CEP170: variants seen among roughly 807,000 people sequenced by gnomAD.
CEP170 encodes centrosomal protein 170, also known as centrosomal protein of 170 kDa.
In CEP170, 21 loss-of-function variants were observed where a neutral mutation model predicts 151.9. The observed-to-expected ratio is 0.14, with a 90% CI of 0.10 to 0.20. The LOEUF (loss-of-function observed/expected upper bound fraction) is 0.20. Ranked by LOEUF, CEP170 falls within the 10% of genes least tolerant of loss-of-function variation. CEP170 has a pLI of 1.00. For missense variants in CEP170, 964 were observed against 1,892.9 expected (o/e 0.51, Z 9.11); for synonymous variants, 356 against 648.8 (o/e 0.55, Z 6.86).
At chr1:243,203,039 T>G (rs1262817211) in intron 4 of CEP170, among the ~76,000 whole-genome samples, 1 of 152,036 alleles carries the variant, frequency 6.6e-6, no homozygotes, top group African/African-American at 2.4e-5. Context: ...CCAAAAATGT[T>G]TGTGTGTGTG....
In CEP170 at chr1:243,225,307, C is replaced by G. The variant is rs780884872; in HGVS notation, c.-27G>C. On this transcript the variant is annotated 5_prime_UTR_variant, in exon 2 of 20. Coordinates refer to ENST00000366542, the MANE Select transcript of CEP170 (RefSeq NM_014812.3). The stretch of plus-strand genomic sequence containing the variant: ...TTCTGCTTAGCTTCTAAGTCTTTGG[C>G]AAAGCTACGTCATCCTGAAGAGAAA... 7 of 1,402,192 alleles carry G rather than the reference C, an allele frequency of 5.0e-6. No individual in the cohort carries two copies. The South Asian group carries it at 9.1e-5, about 18-fold the overall frequency. 86.9% of individuals were successfully genotyped at this position (1,402,192 alleles called of 1,614,324 possible).
intron 14 of CEP170, among the ~76,000 whole-genome samples, chr1:243,154,966 G>A (rs2057416997): frequency 6.6e-6 from 1 of 152,156 alleles, no homozygotes; most frequent in African/African-American, 2.4e-5. Flanking sequence ...GAAAAATGAT[G>A]AGACAAGAGT....
intron 12 of CEP170, 45 bp from the exon 13 acceptor site, chr1:243,166,161 A>C (rs1409254579): frequency 6.3e-7 from 1 of 1,583,278 alleles, no homozygotes; most frequent in South Asian, 1.2e-5. Context: ...AAGACAAATA[A>C]AATAAAAATA....
intron 14 of CEP170, among the ~76,000 whole-genome samples, chr1:243,146,803 A>C (rs1184193098): frequency 1.3e-5 from 2 of 152,250 alleles, no homozygotes; most frequent in Non-Finnish European, 1.5e-5. Context: ...AAGTCAAGTT[A>C]AAAAGTACAC....
In CEP170 at chr1:243,142,477, T is replaced by C. The variant is rs769396422; in HGVS notation, c.3912-14A>G. 7.1e-6 allele frequency: 11 copies of C among 1,539,912 alleles called. No individual in the cohort carries two copies. In the East Asian group the frequency reaches 2.5e-4, roughly 35 times the overall value. Reference sequence around the variant, plus strand: ...TCTTGGCTGATCCTGGTAATAATTTTAGAAAAGAAGTTTAATCCCTTTTAA... The same window carrying C: ...TCTTGGCTGATCCTGGTAATAATTTCAGAAAAGAAGTTTAATCCCTTTTAA... On this transcript the variant is annotated splice_polypyrimidine_tract_variant and intron_variant, in intron 14 of 19. Transcript: ENST00000366542.
intron 18 of CEP170, among the ~76,000 whole-genome samples, chr1:243,129,107 C>T (rs917067121): frequency 2.6e-5 from 4 of 152,036 alleles, no homozygotes; most frequent in African/African-American, 7.2e-5. Context: ...TTTCATGTTT[C>T]TAATGTTTAA....
intron 7 of CEP170, among the ~76,000 whole-genome samples, chr1:243,198,778 T>A (rs181863415): frequency 2.0e-5 from 3 of 151,986 alleles, no homozygotes; most frequent in Non-Finnish European, 4.4e-5. Context: ...CCTAGTTATA[T>A]CATTAATCTA....
At chr1:243,244,539 T>A (rs2065176698) in intron 1 of CEP170, among the ~76,000 whole-genome samples, 1 of 150,072 alleles carries the variant, frequency 6.7e-6, no homozygotes, top group South Asian at 2.1e-4. Flanking sequence ...GCTCAGGAAC[T>A]TGAGACCGGC....
intron 1 of CEP170, among the ~76,000 whole-genome samples, chr1:243,248,100 G>C (rs2065592475): frequency 6.6e-6 from 1 of 152,168 alleles, no homozygotes; most frequent in Non-Finnish European, 1.5e-5. Context: ...AGATTTAGTA[G>C]TTGCCAGGGG....
chr1:243,220,182 T>C (rs1213395110), intron 3 of CEP170, among the ~76,000 whole-genome samples: 3 of 152,268 alleles, frequency 2.0e-5, no homozygotes, highest in East Asian at 3.9e-4. Flanking sequence ...TTTTAAAAAA[T>C]GTGTAAAACT....
intron 13 of CEP170, among the ~76,000 whole-genome samples, chr1:243,161,175 C>A (rs546904481): frequency 6.6e-6 from 1 of 151,720 alleles, no homozygotes; most frequent in East Asian, 1.9e-4. Context: ...TGGTGGCACA[C>A]GCCTGTAATC....
chr1:243,185,685 G>A lies in CEP170; in HGVS notation c.1566+94C>T. On this transcript the variant is annotated intron_variant, in intron 10 of 19. Transcript: ENST00000366542. The surrounding 1 kb of genome is among the most constrained non-coding windows in gnomAD (Gnocchi z 4.9). Reference sequence around the variant, plus strand: ...CCCTAAAATTCACATACCACTGACTGCATGACAACATCTCATGCTGACTCT... The same window carrying A: ...CCCTAAAATTCACATACCACTGACTACATGACAACATCTCATGCTGACTCT... 1 of 1,446,352 alleles carries A rather than the reference G, an allele frequency of 6.9e-7. No individual in the cohort carries two copies. The highest frequency in any genetic ancestry group is 9.3e-7 in the Non-Finnish European group (1 of 1,072,636). 89.6% of individuals were successfully genotyped at this position (1,446,352 alleles called of 1,614,324 possible). A position where few individuals can be genotyped will look rare whatever the true frequency, so the allele number is the denominator to read the frequency against.
Position 243,219,660 on chromosome 1 carries a change from A to G in CEP170, c.195+2064T>C, listed in dbSNP as rs144950734. On this transcript the variant is annotated intron_variant, in intron 3 of 19. Transcript: ENST00000366542. ...AAAATAACAATGTAAAGACATACAG[A>G]CTACCACTGTTCATCTGTTGTCAAG... is the stretch of plus-strand genomic sequence containing the variant. Among the ~76,000 whole-genome samples the G allele has an allele frequency of 3.6e-3, 554 of 152,362 alleles. 1 individual carries two copies. Among genetic ancestry groups the G allele is most frequent in the African/African-American group, 0.013 (526 of 41,580 alleles).
At chr1:243,152,029 G>A (rs2057131865) in intron 14 of CEP170, among the ~76,000 whole-genome samples, 1 of 151,994 alleles carries the variant, frequency 6.6e-6, no homozygotes, top group African/African-American at 2.4e-5. Flanking sequence ...TTTACAGTGT[G>A]GTTTACTAAA....
intron 17 of CEP170, among the ~76,000 whole-genome samples, chr1:243,133,320 C>A (rs1449079037): frequency 6.6e-6 from 1 of 152,226 alleles, no homozygotes; most frequent in Non-Finnish European, 1.5e-5. Context: ...CAGTGCTAGA[C>A]AAATAACATA....
Position 243,164,712 on chromosome 1 carries a change from G to A in CEP170, c.3248C>T (p.Ser1083Phe). The change falls in exon 13 of 20, where the codon TCT becomes TTT. Residue 1083 changes from serine (S) to phenylalanine (F), a missense_variant. By Grantham distance (155) the Ser-to-Phe change is radical. Coordinates refer to ENST00000366542, the MANE Select transcript of CEP170 (RefSeq NM_014812.3). ...GGTGGTTGATTTACTAGATGAACCA[G>A]ATACCACCGGAGAAGTCTTAGATTT... is the stretch of plus-strand genomic sequence containing the variant. ...VTKSKTSPVV[S>F]GSSSKSTTLP... The A allele has an allele frequency of 6.2e-7, 1 of 1,613,644 alleles. No homozygotes were observed. Among genetic ancestry groups the A allele is most frequent in the Non-Finnish European group, 8.5e-7 (1 of 1,179,668 alleles).
intron 16 of CEP170, among the ~76,000 whole-genome samples, chr1:243,137,331 C>A (rs1443497490): frequency 6.6e-6 from 1 of 152,110 alleles, no homozygotes; most frequent in Non-Finnish European, 1.5e-5. Flanking sequence ...TGAAAGAAAA[C>A]AGAAAATAAG....
chr1:243,179,205 T>C, intron 10 of CEP170, among the ~76,000 whole-genome samples: 1 of 152,236 alleles, frequency 6.6e-6, no homozygotes, highest in East Asian at 1.9e-4. Context: ...CAAATTATAC[T>C]TAGATCTCAT....
chr1:243,170,368 A>C (rs1463515260), intron 11 of CEP170, among the ~76,000 whole-genome samples: 5 of 152,012 alleles, frequency 3.3e-5, no homozygotes, highest in Non-Finnish European at 5.9e-5. Context: ...CTGGCAACAG[A>C]GCGAGACTTC....
Sources: gnomAD v4.1 joint callset for allele counts (sites outside exome capture counted in the v4.1 genomes callset) on GRCh38, gnomAD v4.1.1 for gene constraint, Gnocchi (gnomAD v3.1) non-coding constraint, MANE v1.5 for transcripts, NCBI Gene and HGNC (gene_info 2026-07-23, HGNC 2026-07-21) for gene names.